SLC2A14: variants seen among roughly 807,000 people sequenced by gnomAD.
The protein encoded by SLC2A14 is solute carrier family 2 member 14, also known as solute carrier family 2, facilitated glucose transporter member 14.
In SLC2A14, 13 loss-of-function variants were observed where a neutral mutation model predicts 43.0. That is an observed-to-expected ratio of 0.30 (90% CI 0.20 to 0.48). The LOEUF is 0.48. Among genes scored for constraint, SLC2A14 ranks in the 20% least tolerant of loss-of-function variants. The probability of loss-of-function intolerance (pLI) is 0.99; values close to 1 mark genes in which losing one functional copy is unlikely to be tolerated. For missense variants in SLC2A14, 428 were observed against 620.4 expected (o/e 0.69, Z 3.29); for synonymous variants, 190 against 233.8 (o/e 0.81, Z 1.71).
intron 9 of SLC2A14, 74 bp from the exon 10 acceptor site, chr12:7,818,108 T>G: frequency 7.0e-7 from 1 of 1,425,946 alleles, no homozygotes; most frequent in Non-Finnish European, 9.5e-7. Flanking sequence ...CAGAGGCAAC[T>G]AATGGCAAGC....
chr12:7,879,777 G>A (rs1945533365), intron 1 of SLC2A14, among the ~76,000 whole-genome samples: 1 of 152,084 alleles, frequency 6.6e-6, no homozygotes. Context: ...GGGCAAAGCA[G>A]GAGGAACACT....
intron 1 of SLC2A14, among the ~76,000 whole-genome samples, chr12:7,884,639 ACAT>A (rs1565591254): frequency 6.6e-6 from 1 of 152,072 alleles, no homozygotes. Flanking sequence ...TTCTCTCTCA[ACAT>A]CATCATCACT....
At chr12:7,842,728 T>C (rs1464109369) in intron 2 of SLC2A14, among the ~76,000 whole-genome samples, 4 of 151,416 alleles carry the variant, frequency 2.6e-5, no homozygotes, top group Non-Finnish European at 5.9e-5. Context: ...TTCTCTTTTT[T>C]TTTTTTTTGT....
chr12:7,876,483 T>A (rs1264366003), upstream of SLC2A14, among the ~76,000 whole-genome samples: 2 of 151,898 alleles, frequency 1.3e-5, no homozygotes, highest in Non-Finnish European at 2.9e-5. Context: ...AGAGAAAGTG[T>A]TTACATTGGT....
At chr12:7,850,653 C>G (rs1367492039) in intron 2 of SLC2A14, 1 of 152,240 alleles carries the variant, frequency 6.6e-6, no homozygotes, top group African/African-American at 2.4e-5. Context: ...CTCGGCCTCC[C>G]AAAGTGCTGG....
chr12:7,834,878 A>G (rs1252444665), intron 2 of SLC2A14, among the ~76,000 whole-genome samples: 1 of 152,118 alleles, frequency 6.6e-6, no homozygotes, highest in Non-Finnish European at 1.5e-5. Context: ...GCCACTAGAG[A>G]AGAGTTGCTC....
chr12:7,882,302 C>T (rs1592333023), intron 1 of SLC2A14, among the ~76,000 whole-genome samples: 1 of 151,874 alleles, frequency 6.6e-6, no homozygotes, highest in Non-Finnish European at 1.5e-5. Flanking sequence ...AGGTTCACTC[C>T]TGAGTCAGGG....
intron 2 of SLC2A14, among the ~76,000 whole-genome samples, chr12:7,856,633 G>A (rs769520355): frequency 1.3e-5 from 2 of 152,080 alleles, no homozygotes; most frequent in Non-Finnish European, 2.9e-5. Flanking sequence ...ACTATTGACG[G>A]CATCGATGGA....
Position 7,817,977 on chromosome 12 carries a change from A to T in SLC2A14, c.1129T>A (p.Cys377Ser), listed in dbSNP as rs1472383578. ...CIGAILVFVA[C>S]FEIGPGPIPW... ...ATGGGGCCTGGTCCAATTTCAAAAC[A>T]GGCCACAAAGACCAAGATAGCCCCA... The change falls in exon 10 of 11, where the codon TGT becomes AGT. Residue 377 changes from cysteine (C) to serine (S), a missense_variant. This residue lies in a region of SLC2A14 where 119 missense variants were observed against 188.7 expected (regional missense o/e 0.63). Transcript: ENST00000431042. 2 of 1,614,128 alleles carry T rather than the reference A, an allele frequency of 1.2e-6. No homozygotes were observed. The highest frequency in any genetic ancestry group is 1.7e-6 in the Non-Finnish European group (2 of 1,180,036).
At chr12:7,853,831 T>C (rs962134473) in intron 2 of SLC2A14, among the ~76,000 whole-genome samples, 1 of 152,030 alleles carries the variant, frequency 6.6e-6, no homozygotes, top group Admixed American at 6.6e-5. Context: ...GCTCAGAAAA[T>C]AAAAGATGGA....
At chr12:7,887,165 GCCTC>G (rs1945701604) in intron 1 of SLC2A14, among the ~76,000 whole-genome samples, 1 of 152,054 alleles carries the variant, frequency 6.6e-6, no homozygotes, top group African/African-American at 2.4e-5. Context: ...ACCAACCTCA[GCCTC>G]CCAAAGTGCT....
intron 2 of SLC2A14, among the ~76,000 whole-genome samples, chr12:7,856,644 G>A (rs1032154071): frequency 1.3e-4 from 20 of 152,124 alleles, no homozygotes; most frequent in Admixed American, 5.2e-4. Context: ...CATCGATGGA[G>A]ATGATTAAAC....
chr12:7,813,935 A>G lies in SLC2A14; in HGVS notation c.*381T>C, dbSNP rs1025378928. The G allele has an allele frequency of 5.6e-5, 14 of 248,728 alleles. No individual in the cohort carries two copies. Among genetic ancestry groups the G allele is most frequent in the African/African-American group, 2.8e-4 (13 of 46,056 alleles). 15.4% of individuals were successfully genotyped at this position (248,728 alleles called of 1,614,324 possible). ...CCCTCCGGCTTCCACACTCATATGT[A>G]TCTGCTTCCTGGTAAGTCTGAGGTT... On this transcript the variant is annotated 3_prime_UTR_variant, in exon 11 of 11. Coordinates refer to ENST00000431042, the MANE Select transcript of SLC2A14 (RefSeq NM_001286234.2).
At chr12:7,842,970 C>G (rs184020856) in intron 2 of SLC2A14, among the ~76,000 whole-genome samples, 1 of 151,990 alleles carries the variant, frequency 6.6e-6, no homozygotes, top group Non-Finnish European at 1.5e-5. Flanking sequence ...TCAGGTGATC[C>G]GCCCGCCTCA....
chr12:7,879,704 T>C (rs1592329728), intron 1 of SLC2A14, among the ~76,000 whole-genome samples: 1 of 150,656 alleles, frequency 6.6e-6, no homozygotes, highest in Non-Finnish European at 1.5e-5. Context: ...ATAAAAAAAA[T>C]ATAACAACAA....
Position 7,831,693 on chromosome 12 carries a change from C to T in SLC2A14, c.183G>A (p.Thr61=), listed in dbSNP as rs1186260312. Residue 61 remains threonine (T), a synonymous_variant, in exon 4 of 11, where the codon ACG becomes ACA. Coordinates refer to ENST00000431042, the MANE Select transcript of SLC2A14 (RefSeq NM_001286234.2). The stretch of plus-strand genomic sequence containing the variant: ...TGGCCACAGACAAGGACCAGAGATT[C>T]GTGAGCAGCACCTCAGAGGGAGGGG... ...ANAPPSEVLL[T]NLWSLSVAIF... is the part of the protein sequence containing the mutation. 2 of 1,614,106 alleles carry T rather than the reference C, an allele frequency of 1.2e-6. No individual in the cohort carries two copies. The highest frequency in any genetic ancestry group is 1.7e-6 in the Non-Finnish European group (2 of 1,180,058).
chr12:7,854,587 G>A (rs753287958), intron 2 of SLC2A14, among the ~76,000 whole-genome samples: 25 of 151,868 alleles, frequency 1.6e-4, no homozygotes, highest in Admixed American at 3.3e-4. Context: ...GTGCGATCTC[G>A]GCTCATGGCA....
intron 1 of SLC2A14, among the ~76,000 whole-genome samples, chr12:7,885,694 A>G (rs765111157): frequency 7.9e-5 from 12 of 152,090 alleles, no homozygotes; most frequent in Non-Finnish European, 1.3e-4. Flanking sequence ...CAAACAAACA[A>G]AAATCAGAGA....
chr12:7,857,303 T>C (rs780297990), intron 2 of SLC2A14, among the ~76,000 whole-genome samples: 1 of 131,462 alleles, frequency 7.6e-6, no homozygotes, highest in East Asian at 2.5e-4. Context: ...ATAAAACACA[T>C]ATAGGCCAGG....
Sources: gnomAD v4.1 joint callset for allele counts (sites outside exome capture counted in the v4.1 genomes callset) on GRCh38, gnomAD v4.1.1 for gene constraint, gnomAD v4.1.1 regional missense constraint, MANE v1.5 for transcripts, NCBI Gene and HGNC (gene_info 2026-07-23, HGNC 2026-07-21) for gene names.